The following NT5DC1 variants were observed in gnomAD, a reference collection of about 807,000 sequenced individuals.
The protein encoded by NT5DC1 is 5'-nucleotidase domain-containing protein 1.
A neutral mutation model predicts 59.4 loss-of-function variants in NT5DC1; 42 were observed. The observed-to-expected ratio is 0.71, with a 90% CI of 0.55 to 0.92. The LOEUF is 0.92. NT5DC1 is among the 40% of genes least tolerant of loss of function. The pLI, the probability that NT5DC1 is intolerant of heterozygous loss-of-function variation, is 0.00. For missense variants in NT5DC1, 501 were observed against 537.1 expected (o/e 0.93, Z 0.66); for synonymous variants, 172 against 188.1 (o/e 0.91, Z 0.70).
rs1340104968 is a variant in NT5DC1, at chr6:116,243,987, T to C, written c.1331T>C (p.Leu444Pro). The change falls in exon 12 of 12, where the codon CTG (leucine) becomes CCG (proline). Residue 444 changes from leucine to proline, a missense_variant. By Grantham distance (98) the Leu-to-Pro change is moderately conservative. Transcript: ENST00000319550. ...GCTGGCTACTATCCAAATCCTCCAC[T>C]GGTCTTATCAAGTGATGAGACACTG... ...KTAGYYPNPP[L>P]VLSSDETLIS... is the part of the protein sequence containing the mutation. 22 of 1,552,562 alleles carry C rather than the reference T, an allele frequency of 1.4e-5. No individual in the cohort carries two copies. The highest frequency in any genetic ancestry group is 1.9e-5 in the Non-Finnish European group (22 of 1,129,584).
intron 6 of NT5DC1, among the ~76,000 whole-genome samples, chr6:116,126,523 G>C (rs1779317144): frequency 6.6e-6 from 1 of 152,016 alleles, no homozygotes; most frequent in Non-Finnish European, 1.5e-5. Flanking sequence ...TTCCTTGAAG[G>C]GGGTACTGGA....
chr6:116,225,910 C>T (rs545471055), intron 8 of NT5DC1, among the ~76,000 whole-genome samples: 2 of 152,052 alleles, frequency 1.3e-5, no homozygotes, highest in Non-Finnish European at 2.9e-5. Context: ...TGTCTGGAGA[C>T]GTTTTTGGTT....
At chr6:116,106,989 G>A (rs1421342939) in intron 2 of NT5DC1, among the ~76,000 whole-genome samples, 1 of 151,944 alleles carries the variant, frequency 6.6e-6, no homozygotes, top group African/African-American at 2.4e-5. Flanking sequence ...CTAGGAGTTG[G>A]AGACCAGCCT....
intron 6 of NT5DC1, among the ~76,000 whole-genome samples, chr6:116,149,799 A>G (rs1472929408): frequency 6.6e-6 from 1 of 152,194 alleles, no homozygotes; most frequent in Non-Finnish European, 1.5e-5. Flanking sequence ...TGAAGATTCA[A>G]ATAGAAATCT....
At position 116,101,045 on chromosome 6, in the gene NT5DC1, G is replaced by T. The variant is rs371071360; in HGVS notation, c.93+22G>T. ...CCCGGTGAGTGGCGCGGGCTCCGGGGCGCACTGCGCGCAACCTCCATGGCG... is the reference window on the plus strand; with the variant it reads ...CCCGGTGAGTGGCGCGGGCTCCGGGTCGCACTGCGCGCAACCTCCATGGCG... On this transcript the variant is annotated intron_variant, in intron 1 of 11. Transcript: ENST00000319550. 2.7e-4 allele frequency: 410 copies of T among 1,519,100 alleles called. 1 individual carries two copies. Among genetic ancestry groups the T allele is most frequent in the Non-Finnish European group, 8.6e-5 (95 of 1,109,808 alleles). The allele number at this position is 1,519,100 out of a possible 1,614,324, so 94.1% of individuals were successfully genotyped here.
Position 116,245,547 on chromosome 6 carries a change from A to G in NT5DC1, c.*1523A>G, listed in dbSNP as rs1771831558. The G allele has an allele frequency of 6.6e-6, 1 of 152,488 alleles. No individual in the cohort carries two copies. Among genetic ancestry groups the G allele is most frequent in the East Asian group, 1.9e-4 (1 of 5,200 alleles). 9.4% of individuals were successfully genotyped at this position (152,488 alleles called of 1,614,324 possible). On this transcript the variant is annotated 3_prime_UTR_variant, in exon 12 of 12. Transcript: ENST00000319550. The stretch of plus-strand genomic sequence containing the variant: ...TATTTAACAATAAGTATATGGTGAT[A>G]TACTTGAAATTTATGTCCAGAATGT...
chr6:116,138,963 A>G (rs953006110), intron 6 of NT5DC1, among the ~76,000 whole-genome samples: 5 of 152,162 alleles, frequency 3.3e-5, no homozygotes, highest in African/African-American at 9.6e-5. Flanking sequence ...TGTGACCAGT[A>G]GGATTTGTAT....
At chr6:116,233,625 A>G (rs73566459) in intron 8 of NT5DC1, among the ~76,000 whole-genome samples, 15,364 of 152,166 alleles carry the variant, frequency 0.1, 1,291 homozygotes, top group African/African-American at 0.23. Context: ...TCTAGCCCCA[A>G]TTTGAAATCC....
intron 6 of NT5DC1, among the ~76,000 whole-genome samples, chr6:116,208,605 A>G (rs1251615508): frequency 6.6e-6 from 1 of 151,996 alleles, no homozygotes; most frequent in Non-Finnish European, 1.5e-5. Flanking sequence ...TCATGTCATC[A>G]TGTCATCATG....
chr6:116,147,099 TA>T (rs745395518), intron 6 of NT5DC1, among the ~76,000 whole-genome samples: 4 of 150,196 alleles, frequency 2.7e-5, no homozygotes, highest in South Asian at 2.1e-4. Flanking sequence ...CTGACAATAT[TA>T]AAAAAAAACT....
At chr6:116,118,215 T>C (rs1333625253) in intron 6 of NT5DC1, 3 of 422,992 alleles carry the variant, frequency 7.1e-6, no homozygotes, top group African/African-American at 4.1e-5. Flanking sequence ...TTCCCTAGAA[T>C]TGAAGTCCAG....
chr6:116,104,844 T>C (rs956886993), intron 1 of NT5DC1, among the ~76,000 whole-genome samples: 6 of 152,186 alleles, frequency 3.9e-5, no homozygotes, highest in Non-Finnish European at 8.8e-5. Context: ...TGTTGCTTTT[T>C]TCCTTTTAAT....
intron 6 of NT5DC1, among the ~76,000 whole-genome samples, chr6:116,138,458 T>C (rs910892222): frequency 7.9e-5 from 12 of 152,214 alleles, no homozygotes; most frequent in Non-Finnish European, 1.5e-4. Flanking sequence ...TGGTGAACAC[T>C]GTTTTTAATT....
At chr6:116,208,040 T>C (rs537871855) in intron 6 of NT5DC1, among the ~76,000 whole-genome samples, 4 of 152,138 alleles carry the variant, frequency 2.6e-5, no homozygotes, top group African/African-American at 9.6e-5. Flanking sequence ...GTCTTTCGTT[T>C]GTTAAATAAT....
intron 6 of NT5DC1, among the ~76,000 whole-genome samples, chr6:116,144,720 AT>A (rs1206479778): frequency 1.3e-5 from 2 of 152,192 alleles, no homozygotes; most frequent in Admixed American, 1.3e-4. Flanking sequence ...CACCAGTAAC[AT>A]GTTCCCTAAG....
chr6:116,205,074 G>A (rs995015445), intron 6 of NT5DC1, among the ~76,000 whole-genome samples: 2 of 151,978 alleles, frequency 1.3e-5, no homozygotes, highest in African/African-American at 4.8e-5. Context: ...GTGCAGAAGT[G>A]TCCAAGCAAA....
intron 7 of NT5DC1, among the ~76,000 whole-genome samples, chr6:116,222,742 A>G (rs977841131): frequency 4.6e-5 from 7 of 152,186 alleles, no homozygotes; most frequent in African/African-American, 7.2e-5. Context: ...GTTAGAAACT[A>G]TTGAGTTCAC....
intron 6 of NT5DC1, among the ~76,000 whole-genome samples, chr6:116,136,787 G>C (rs993923210): frequency 3.3e-5 from 5 of 152,104 alleles, no homozygotes; most frequent in Non-Finnish European, 1.5e-5. Flanking sequence ...CAACGGTTTG[G>C]AATCTGTTAC....
Position 116,225,076 on chromosome 6 carries a change from A to G in NT5DC1, c.802+1945A>G, listed in dbSNP as rs578102686. Among the ~76,000 whole-genome samples, 3 of 152,248 alleles carry G rather than the reference A, an allele frequency of 2.0e-5. No individual in the cohort carries two copies. The South Asian group carries it at 6.2e-4, about 32-fold the overall frequency. ...ATAAAAAATAACTTCCAGGTGGTTG[A>G]TTTTTCTTTTTCCTCAAATGAGCAA... On this transcript the variant is annotated intron_variant, in intron 8 of 11. Transcript: ENST00000319550.
Sources: allele counts gnomAD v4.1 joint callset (sites outside exome capture counted in the v4.1 genomes callset), GRCh38; gene constraint gnomAD v4.1.1; transcripts MANE v1.5; gene names NCBI Gene and HGNC (gene_info 2026-07-23, HGNC 2026-07-21).